The following TNPO3 variants were observed in gnomAD, a reference collection of about 807,000 sequenced individuals.
The protein encoded by TNPO3 is transportin 3.
Under a neutral mutation model 122.8 loss-of-function variants are expected in TNPO3, and 65 were observed. The observed-to-expected ratio is 0.53, with a 90% CI of 0.43 to 0.65. The LOEUF (loss-of-function observed/expected upper bound fraction) is 0.65. Among genes scored for constraint, TNPO3 ranks in the 30% least tolerant of loss-of-function variants. The pLI is 0.00. For synonymous variants in TNPO3, 372 were observed against 411.2 expected (o/e 0.90, Z 1.15); for missense variants, 850 against 1,136.7 (o/e 0.75, Z 3.63).
intron 11 of TNPO3, among the ~76,000 whole-genome samples, chr7:128,988,196 G>C (rs572896096): frequency 6.6e-6 from 1 of 151,326 alleles, no homozygotes; most frequent in Non-Finnish European, 1.5e-5. Context: ...GGTTGGTCTC[G>C]AACTCTTGAA....
chr7:128,981,834 T>TCCTC (rs1328568150), intron 14 of TNPO3, among the ~76,000 whole-genome samples: 1 of 151,758 alleles, frequency 6.6e-6, no homozygotes, highest in African/African-American at 2.4e-5. Context: ...GCTCAAGTGA[T>TCCTC]CCTCCCACCT....
At chr7:129,021,890 T>A (rs572290837) in intron 1 of TNPO3, among the ~76,000 whole-genome samples, 12 of 152,172 alleles carry the variant, frequency 7.9e-5, no homozygotes, top group African/African-American at 2.9e-4. Flanking sequence ...GAATTTCACA[T>A]GTGACTAAAC....
intron 12 of TNPO3, among the ~76,000 whole-genome samples, chr7:128,985,201 G>A (rs1469486587): frequency 6.6e-6 from 1 of 152,122 alleles, no homozygotes; most frequent in Admixed American, 6.5e-5. Flanking sequence ...CCATCTATAA[G>A]CCATAGACGA....
At chr7:129,051,469 G>A (rs924598484) in intron 1 of TNPO3, among the ~76,000 whole-genome samples, 2 of 151,138 alleles carry the variant, frequency 1.3e-5, no homozygotes, top group African/African-American at 4.9e-5. Flanking sequence ...CTGAGTAGCT[G>A]GGACTATAGG....
At chr7:129,030,883 A>G (rs976485391) in intron 1 of TNPO3, among the ~76,000 whole-genome samples, 3 of 152,220 alleles carry the variant, frequency 2.0e-5, no homozygotes, top group Admixed American at 6.5e-5. Flanking sequence ...TAGCTTGTAC[A>G]ATGGCGGAAT....
chr7:129,039,446 G>C (rs1254220440), intron 1 of TNPO3, among the ~76,000 whole-genome samples: 1 of 152,038 alleles, frequency 6.6e-6, no homozygotes. Flanking sequence ...TGTAGTCCCA[G>C]CTACTCAGGA....
chr7:129,030,380 A>G, intron 1 of TNPO3: 1 of 185,146 alleles, frequency 5.4e-6, no homozygotes, highest in Non-Finnish European at 1.1e-5. Flanking sequence ...ATGTGATGTC[A>G]GGACCAGCAT....
chr7:129,013,361 G>T (rs1338642939), intron 4 of TNPO3, among the ~76,000 whole-genome samples: 2 of 150,930 alleles, frequency 1.3e-5, no homozygotes, highest in East Asian at 3.9e-4. Flanking sequence ...CTACAGAATG[G>T]GAGGAAATAT....
At chr7:128,978,833 T>G in intron 16 of TNPO3, 150 bp downstream of exon 16, 1 of 809,648 alleles carries the variant, frequency 1.2e-6, no homozygotes. Flanking sequence ...GGTTTCACCA[T>G]GTTGGCCAGG....
chr7:128,989,943 G>A lies in TNPO3; in HGVS notation c.1498+18C>T. The A allele has an allele frequency of 6.2e-7, 1 of 1,605,158 alleles. No individual in the cohort carries two copies. The highest frequency in any genetic ancestry group is 8.5e-7 in the Non-Finnish European group (1 of 1,172,278). ...AAATGACAAGTTAGAAGTGGCAGAG[G>A]AGAGAGATTACACATACCAAGGAAC... is the stretch of plus-strand genomic sequence containing the variant. On this transcript the variant is annotated intron_variant, in intron 11 of 22. Transcript: ENST00000265388.
intron 21 of TNPO3, among the ~76,000 whole-genome samples, chr7:128,960,749 T>TTTATTATTA (rs60734129): frequency 1.8e-4 from 27 of 150,696 alleles, no homozygotes; most frequent in African/African-American, 6.3e-4. Flanking sequence ...CAAGAGTTAA[T>TTTATTATTA]TTATTATTAT....
At chr7:128,978,843 G>A in intron 16 of TNPO3, 140 bp downstream of exon 16, 1 of 898,676 alleles carries the variant, frequency 1.1e-6, no homozygotes, top group South Asian at 1.6e-5. Context: ...TGTTGGCCAG[G>A]CTGGTCTTGA....
At chr7:129,007,677 C>T (rs1030953329) in intron 4 of TNPO3, among the ~76,000 whole-genome samples, 1 of 152,206 alleles carries the variant, frequency 6.6e-6, no homozygotes, top group East Asian at 1.9e-4. Flanking sequence ...ATTTATTGTG[C>T]ATATTGCATT....
Position 129,028,868 on chromosome 7 carries a change from G to A in TNPO3, c.121-10711C>T, listed in dbSNP as rs116896525. On this transcript the variant is annotated intron_variant, in intron 1 of 22. Coordinates refer to ENST00000265388, the MANE Select transcript of TNPO3 (RefSeq NM_012470.4). ...ATCTCTTAGTTTTCCATTTTGTTGTGTTTCAGAGGAACATCAAGAAACCAT... is the reference window on the plus strand; with the variant it reads ...ATCTCTTAGTTTTCCATTTTGTTGTATTTCAGAGGAACATCAAGAAACCAT... 1.9e-4 allele frequency: 51 copies of A among 273,906 alleles called. 1 individual carries two copies. In the East Asian group the frequency reaches 5.9e-3, roughly 32 times the overall value. 17.0% of individuals were successfully genotyped at this position (273,906 alleles called of 1,614,324 possible).
At chr7:129,003,029 G>A (rs888544907) in intron 5 of TNPO3, among the ~76,000 whole-genome samples, 1 of 94,576 alleles carries the variant, frequency 1.1e-5, no homozygotes, top group East Asian at 3.5e-4. Flanking sequence ...GACAGAGCGA[G>A]ACTCCCTCTC....
At chr7:129,004,743 G>A (rs941850658) in intron 5 of TNPO3, among the ~76,000 whole-genome samples, 1 of 151,946 alleles carries the variant, frequency 6.6e-6, no homozygotes, top group Non-Finnish European at 1.5e-5. Flanking sequence ...TTAAAACAAG[G>A]AAAAAGATAC....
intron 1 of TNPO3, among the ~76,000 whole-genome samples, chr7:129,027,103 G>A (rs192391992): frequency 2.3e-4 from 35 of 152,144 alleles, no homozygotes; most frequent in African/African-American, 5.1e-4. Flanking sequence ...TGTAAAATTT[G>A]TTTAGAAAAG....
chr7:128,962,541 G>A (rs537109416), intron 21 of TNPO3, among the ~76,000 whole-genome samples: 2 of 152,344 alleles, frequency 1.3e-5, no homozygotes, highest in African/African-American at 4.8e-5. Flanking sequence ...GGGAGACTGA[G>A]TCATGCATGG....
intron 21 of TNPO3, among the ~76,000 whole-genome samples, chr7:128,961,741 G>A (rs531165151): frequency 5.9e-5 from 9 of 152,140 alleles, no homozygotes; most frequent in Non-Finnish European, 7.3e-5. Context: ...CTAGAGGAGT[G>A]CTGAGAAATG....
Sources: allele counts gnomAD v4.1 joint callset (sites outside exome capture counted in the v4.1 genomes callset), GRCh38; gene constraint gnomAD v4.1.1; transcripts MANE v1.5; gene names NCBI Gene and HGNC (gene_info 2026-07-23, HGNC 2026-07-21).